The following VPS8 variants were observed in gnomAD, a reference collection of about 807,000 sequenced individuals.
VPS8 encodes vacuolar protein sorting-associated protein 8 homolog.
A neutral mutation model predicts 216.4 loss-of-function variants in VPS8; 129 were observed. That is an observed-to-expected ratio of 0.60 (90% CI 0.52 to 0.69). The LOEUF is 0.69. VPS8 is among the 30% of genes least tolerant of loss of function. VPS8 has a pLI of 0.00. For missense variants in VPS8, 1,531 were observed against 1,683.5 expected, an observed-to-expected ratio of 0.91 and a Z score of 1.59; for synonymous variants, 571 against 565.4, an observed-to-expected ratio of 1.01 and a Z score of -0.14.
chr3:184,877,552 G>A (rs1056605979), intron 21 of VPS8, among the ~76,000 whole-genome samples: 3 of 152,100 alleles, frequency 2.0e-5, no homozygotes, highest in African/African-American at 7.2e-5. Context: ...ATCTTATTTA[G>A]TCCTTATAAC....
chr3:184,950,615 T>C (rs1278751683), intron 36 of VPS8, among the ~76,000 whole-genome samples: 1 of 152,132 alleles, frequency 6.6e-6, no homozygotes, highest in African/African-American at 2.4e-5. Context: ...TTACTTTAAG[T>C]TCTGGGTTAC....
At chr3:184,934,976 C>T (rs757087492) in intron 34 of VPS8, among the ~76,000 whole-genome samples, 2 of 152,086 alleles carry the variant, frequency 1.3e-5, no homozygotes, top group African/African-American at 2.4e-5. Flanking sequence ...CTATTTGACC[C>T]TACAGTTTTT....
At chr3:184,824,859 CTCTAAG>C in intron 2 of VPS8, 74 bp downstream of exon 2, 22 of 1,404,504 alleles carry the variant, frequency 1.6e-5, no homozygotes, top group Non-Finnish European at 2.0e-5. Context: ...GACCCAGAGA[CTCTAAG>C]TCTGTCATTT....
chr3:184,826,142 C>A, intron 2 of VPS8, 21 bp from the exon 3 acceptor site: 1 of 1,575,282 alleles, frequency 6.3e-7, no homozygotes, highest in Non-Finnish European at 8.7e-7. Flanking sequence ...TTTGTGAGCA[C>A]TATTTTTTTT....
Position 184,929,566 on chromosome 3 carries a change from C to G in VPS8, c.2715-14C>G, listed in dbSNP as rs1397728521. ...CCTGTTTGGTACACTGAAGTTTTTC[C>G]CTTTACATTCTAGCTATCAAATTTG... On this transcript the variant is annotated splice_polypyrimidine_tract_variant and intron_variant, in intron 32 of 47. Transcript: ENST00000625842. 3 of 1,452,900 alleles carry G rather than the reference C, an allele frequency of 2.1e-6. No individual in the cohort carries two copies. The highest frequency in any genetic ancestry group is 2.5e-5 in the East Asian group (1 of 39,476). The allele number at this position is 1,452,900 out of a possible 1,614,324, so 90.0% of individuals were successfully genotyped here.
chr3:184,856,117 G>A (rs1313927200), intron 14 of VPS8, among the ~76,000 whole-genome samples: 1 of 152,196 alleles, frequency 6.6e-6, no homozygotes, highest in African/African-American at 2.4e-5. Flanking sequence ...AACTACATAT[G>A]TGTGTATTAA....
chr3:184,869,903 G>T (rs1728043480), intron 20 of VPS8, among the ~76,000 whole-genome samples: 1 of 151,922 alleles, frequency 6.6e-6, no homozygotes, highest in South Asian at 2.1e-4. Context: ...AAACAGTCAG[G>T]TTATAATTCC....
rs1053981365 is a variant in VPS8 at position 185,048,541 on chromosome 3, C to G, written c.4119C>G (p.Leu1373=). The change falls in exon 47 of 48, where the codon CTC becomes CTG. Residue 1373 remains leucine, a synonymous_variant. Coordinates refer to ENST00000625842, the MANE Select transcript of VPS8 (RefSeq NM_001009921.3). Reference sequence around the variant, plus strand: ...AAGCATTTGATCAGCTTTGCCGTCTCTACCGAGGAAGCTCCAGGGTAATGT... The same window carrying G: ...AAGCATTTGATCAGCTTTGCCGTCTGTACCGAGGAAGCTCCAGGGTAATGT... ...QIQAFDQLCR[L]YRGSSRLALL... The G allele has an allele frequency of 6.2e-6, 10 of 1,613,968 alleles. No homozygotes were observed. Among genetic ancestry groups the G allele is most frequent in the Middle Eastern group, 1.6e-4 (1 of 6,062 alleles).
chr3:184,823,494 C>T (rs961855400), intron 1 of VPS8, among the ~76,000 whole-genome samples: 17 of 152,144 alleles, frequency 1.1e-4, no homozygotes, highest in South Asian at 4.1e-4. Context: ...TGTTTATACA[C>T]GCTAAAGGCA....
At chr3:185,018,875 G>C (rs977258203) in intron 45 of VPS8, among the ~76,000 whole-genome samples, 1 of 152,122 alleles carries the variant, frequency 6.6e-6, no homozygotes, top group African/African-American at 2.4e-5. Context: ...GGCGCTGCTC[G>C]AACAGTCACT....
chr3:184,966,625 C>T lies in VPS8; in HGVS notation c.3274-46C>T, dbSNP rs578053665. On this transcript the variant is annotated intron_variant, in intron 38 of 47. Transcript: ENST00000625842. ...TAATTCAAGTATTGGGTGGGTAGAA[C>T]TATAAAGTGTTCCTTTTTAACTCCT... 31 of 1,387,688 alleles carry T rather than the reference C, an allele frequency of 2.2e-5. No individual in the cohort carries two copies. In the South Asian group the frequency reaches 3.9e-4, roughly 17 times the overall value. The allele number at this position is 1,387,688 out of a possible 1,614,324, so 86.0% of individuals were successfully genotyped here. A position where few individuals can be genotyped will look rare whatever the true frequency, so the allele number is the denominator to read the frequency against.
intron 42 of VPS8, among the ~76,000 whole-genome samples, chr3:184,986,868 G>A (rs1349760077): frequency 1.3e-5 from 2 of 152,170 alleles, no homozygotes; most frequent in Middle Eastern, 3.4e-3. Flanking sequence ...TTTTGCCTAC[G>A]GTTAACATTT....
At chr3:185,034,741 G>T (rs889069240) in intron 46 of VPS8, among the ~76,000 whole-genome samples, 1 of 151,458 alleles carries the variant, frequency 6.6e-6, no homozygotes, top group Admixed American at 6.6e-5. Flanking sequence ...GTTTATTTTT[G>T]CATTTGTTGC....
chr3:184,987,437 C>T (rs751133377), intron 42 of VPS8, among the ~76,000 whole-genome samples: 2 of 151,560 alleles, frequency 1.3e-5, no homozygotes, highest in Non-Finnish European at 2.9e-5. Context: ...TTAACTGTCC[C>T]TATAGTTTTA....
chr3:185,038,521 T>C (rs1759207745), intron 46 of VPS8, among the ~76,000 whole-genome samples: 1 of 152,204 alleles, frequency 6.6e-6, no homozygotes, highest in Non-Finnish European at 1.5e-5. Context: ...TAGGTTGTAT[T>C]TTCATTAAAT....
At position 185,000,852 on chromosome 3, in the gene VPS8, G is replaced by A. The variant is rs1255039160; in HGVS notation, c.4002+991G>A. ...GATCTCCTGACCTCGTGATCTGCCC[G>A]CCTCGGCCTCCCAAAGTGCTGGGAT... is the stretch of plus-strand genomic sequence containing the variant. On this transcript the variant is annotated intron_variant, in intron 45 of 47. Coordinates refer to ENST00000625842, the MANE Select transcript of VPS8 (RefSeq NM_001009921.3). Among the ~76,000 whole-genome samples the A allele has an allele frequency of 4.6e-5, 7 of 152,084 alleles. No individual in the cohort carries two copies. The East Asian group carries it at 5.8e-4, about 13-fold the overall frequency.
At chr3:184,994,156 A>C in intron 43 of VPS8, 93 bp downstream of exon 43, 2 of 910,950 alleles carry the variant, frequency 2.2e-6, no homozygotes, top group Non-Finnish European at 3.2e-6. Context: ...AAAAATTACC[A>C]TCTATTTACT....
intron 36 of VPS8, among the ~76,000 whole-genome samples, chr3:184,946,319 C>T (rs1011123046): frequency 6.6e-6 from 1 of 152,218 alleles, no homozygotes; most frequent in African/African-American, 2.4e-5. Flanking sequence ...TGTTATCATC[C>T]TTGCTTCAAA....
intron 16 of VPS8, among the ~76,000 whole-genome samples, chr3:184,866,595 A>C (rs1010140390): frequency 6.6e-6 from 1 of 152,212 alleles, no homozygotes; most frequent in South Asian, 2.1e-4. Flanking sequence ...GTTTAAAACA[A>C]AAATAATGTG....
Sources: gnomAD v4.1 joint callset for allele counts (sites outside exome capture counted in the v4.1 genomes callset) on GRCh38, gnomAD v4.1.1 for gene constraint, MANE v1.5 for transcripts, NCBI Gene and HGNC (gene_info 2026-07-23, HGNC 2026-07-21) for gene names.